ZNF506: variants seen among roughly 807,000 people sequenced by gnomAD.
The protein encoded by ZNF506 is zinc finger protein 506.
In ZNF506, 10 loss-of-function variants were observed where a neutral mutation model predicts 11.6. The ratio of observed to expected loss-of-function variants is 0.86; its 90% CI spans 0.53 to 1.46. The LOEUF is 1.46. Among genes scored for constraint, ZNF506 ranks in the 40% most tolerant of loss-of-function variants. ZNF506 has a pLI of 0.00. For missense variants in ZNF506, 425 were observed against 521.2 expected (o/e 0.82, Z 1.80); for synonymous variants, 156 against 173.3 (o/e 0.90, Z 0.78).
intron 1 of ZNF506, among the ~76,000 whole-genome samples, chr19:19,810,411 A>C (rs1386664165): frequency 1.3e-5 from 2 of 152,356 alleles, no homozygotes; most frequent in East Asian, 3.9e-4. Context: ...TTAAGCAGGT[A>C]CTATGTGCTC....
At chr19:19,813,295 A>C (rs1275152052) in intron 1 of ZNF506, among the ~76,000 whole-genome samples, 1 of 152,238 alleles carries the variant, frequency 6.6e-6, no homozygotes, top group African/African-American at 2.4e-5. Flanking sequence ...TTAGATATAA[A>C]TATCTAAGCA....
chr19:19,793,726 G>A lies in ZNF506; in HGVS notation c.*826C>T, dbSNP rs976268969. 2.6e-5 allele frequency: 4 copies of A among 152,128 alleles called. No homozygotes were observed. The highest frequency in any genetic ancestry group is 1.9e-4 in the East Asian group (1 of 5,200). 9.4% of individuals were successfully genotyped at this position (152,128 alleles called of 1,614,324 possible). A position where few individuals can be genotyped will look rare whatever the true frequency, so the allele number is the denominator to read the frequency against. On this transcript the variant is annotated 3_prime_UTR_variant, in exon 4 of 4. Transcript: ENST00000540806. ...GTTTCCATATTCTTTATATCTGTAC[G>A]ATTTTTCTCAAGGATAAAAGCTTTC...
chr19:19,800,119 C>T (rs998376644), intron 3 of ZNF506, among the ~76,000 whole-genome samples: 5 of 151,948 alleles, frequency 3.3e-5, no homozygotes, highest in African/African-American at 1.2e-4. Context: ...GCATATCACT[C>T]AGTTTTCAAA....
At chr19:19,807,178 T>A in intron 1 of ZNF506, 110 bp from the exon 2 acceptor site, 1 of 1,519,844 alleles carries the variant, frequency 6.6e-7, no homozygotes, top group Non-Finnish European at 8.9e-7. Flanking sequence ...CTTATAGGAC[T>A]AAAATTATCC....
chr19:19,795,395 C>G lies in ZNF506; in HGVS notation c.492G>C (p.Lys164Asn). The G allele has an allele frequency of 6.3e-7, 1 of 1,595,880 alleles. No homozygotes were observed. Among genetic ancestry groups the G allele is most frequent in the Non-Finnish European group, 8.5e-7 (1 of 1,173,686 alleles). The change falls in exon 4 of 4, where the codon AAG becomes AAC. Residue 164 changes from lysine to asparagine, a missense_variant. By Grantham distance (94) the Lys-to-Asn change is moderately conservative. Around this residue, in one of 3 missense-constraint regions of ZNF506, gnomAD observed 226 missense variants for 279.1 expected, o/e 0.81. Coordinates refer to ENST00000540806, the MANE Select transcript of ZNF506 (RefSeq NM_001099269.3). ...AAGATTTTTTTCCAGTATCTCTTAT[C>G]TTATGTTTGTTTGAATTTGAAAATT... ...LHKFSNSNKH[K>N]IRDTGKKSFK...
At chr19:19,805,486 T>C (rs1010931818) in intron 3 of ZNF506, among the ~76,000 whole-genome samples, 9 of 151,734 alleles carry the variant, frequency 5.9e-5, no homozygotes, top group African/African-American at 1.2e-4. Context: ...GAAACTAAAA[T>C]AAACTTTGAC....
chr19:19,819,922 C>T (rs1490285310), intron 1 of ZNF506, among the ~76,000 whole-genome samples: 1 of 152,056 alleles, frequency 6.6e-6, no homozygotes, highest in Non-Finnish European at 1.5e-5. Context: ...CAAGGTGAAA[C>T]CCTGTCTCTA....
intron 1 of ZNF506, 38 bp from the exon 2 acceptor site, chr19:19,807,106 C>T: frequency 6.2e-7 from 1 of 1,609,490 alleles, no homozygotes; most frequent in Non-Finnish European, 8.5e-7. Context: ...ACCAAGTGGC[C>T]ATGGGTGGAA....
At chr19:19,808,108 C>CTTTT (rs757160026) in intron 1 of ZNF506, among the ~76,000 whole-genome samples, 894 of 56,770 alleles carry the variant, frequency 0.016, 219 homozygotes, top group African/African-American at 0.023. Context: ...TCATTAACCA[C>CTTTT]TTTTTTTTTT....
rs1200354235 is a variant in ZNF506 at position 19,801,706 on chromosome 19, T to TG, written c.226+4324_226+4325insC. On this transcript the variant is annotated intron_variant, in intron 3 of 3. Transcript: ENST00000540806. ...CTCGGGAGGCTGTGGCAGAAGAATC[T>TG]CTTGTACCCAGGAGGCGGAGGTTGC... Among the ~76,000 whole-genome samples, 360 of 147,078 alleles carry TG rather than the reference T, an allele frequency of 2.4e-3. 2 individuals carry two copies. The highest frequency in any genetic ancestry group is 8.8e-3 in the African/African-American group (343 of 39,162).
At chr19:19,816,190 CT>C (rs1255591453) in intron 1 of ZNF506, among the ~76,000 whole-genome samples, 28 of 145,222 alleles carry the variant, frequency 1.9e-4, no homozygotes, top group East Asian at 6.0e-4. Context: ...CTTTTCTTTT[CT>C]TTTTTTTTTT....
chr19:19,808,108 C>CTTT (rs757160026), intron 1 of ZNF506, among the ~76,000 whole-genome samples: 1,510 of 56,772 alleles, frequency 0.027, 416 homozygotes, highest in Middle Eastern at 0.11. Context: ...TCATTAACCA[C>CTTT]TTTTTTTTTT....
At chr19:19,800,348 A>ATAT (rs984818790) in intron 3 of ZNF506, among the ~76,000 whole-genome samples, 15 of 148,848 alleles carry the variant, frequency 1.0e-4, no homozygotes, top group African/African-American at 3.7e-4. Flanking sequence ...TATTCTAGTG[A>ATAT]TATGTTGCAT....
intron 3 of ZNF506, among the ~76,000 whole-genome samples, chr19:19,803,192 T>TA (rs2062808979): frequency 6.6e-6 from 1 of 152,204 alleles, no homozygotes; most frequent in South Asian, 2.1e-4. Context: ...ATTCTGAACT[T>TA]ACTCTCTAAC....
chr19:19,802,302 G>A (rs192040801), intron 3 of ZNF506, among the ~76,000 whole-genome samples: 37 of 152,082 alleles, frequency 2.4e-4, no homozygotes, highest in Non-Finnish European at 4.4e-4. Context: ...GGCATGCACT[G>A]TGTGGCAGTA....
intron 1 of ZNF506, among the ~76,000 whole-genome samples, chr19:19,807,308 T>C (rs1227929086): frequency 2.0e-5 from 3 of 152,206 alleles, no homozygotes; most frequent in Non-Finnish European, 2.9e-5. Flanking sequence ...TAATAAAGTA[T>C]AAAATTACGG....
intron 3 of ZNF506, 121 bp downstream of exon 3, chr19:19,805,910 G>T: frequency 1.2e-6 from 1 of 833,890 alleles, no homozygotes; most frequent in Non-Finnish European, 1.9e-6. Context: ...AAAAAAAGCT[G>T]CCCAGGAACT....
intron 3 of ZNF506, among the ~76,000 whole-genome samples, chr19:19,801,776 G>A (rs1264843371): frequency 6.6e-6 from 1 of 151,578 alleles, no homozygotes; most frequent in Non-Finnish European, 1.5e-5. Flanking sequence ...GGGTGACAGA[G>A]TGAGACTCTG....
chr19:19,800,145 C>T (rs927303393), intron 3 of ZNF506, among the ~76,000 whole-genome samples: 14 of 151,792 alleles, frequency 9.2e-5, no homozygotes, highest in African/African-American at 2.9e-4. Context: ...AATATTCTAA[C>T]AACTATTAAG....
Sources: gnomAD v4.1 joint callset for allele counts (sites outside exome capture counted in the v4.1 genomes callset) on GRCh38, gnomAD v4.1.1 for gene constraint, gnomAD v4.1.1 regional missense constraint, MANE v1.5 for transcripts, NCBI Gene and HGNC (gene_info 2026-07-23, HGNC 2026-07-21) for gene names.